Variants in SH3GL2 observed in about 807,000 individuals in gnomAD.
The protein encoded by SH3GL2 is SH3 domain containing GRB2 like 2, endophilin A1, also known as endophilin-A1.
In SH3GL2, 24 loss-of-function variants were observed where a neutral mutation model predicts 46.0. The observed-to-expected ratio is 0.52, with a 90% confidence interval of 0.38 to 0.73. The LOEUF is 0.73. Ranked by LOEUF, SH3GL2 falls within the 30% of genes least tolerant of loss-of-function variation. The pLI is 0.00. For missense variants in SH3GL2, 413 were observed against 424.2 expected (o/e 0.97, Z 0.23); for synonymous variants, 196 against 147.1 (o/e 1.33, Z -2.40).
chr9:17,694,388 G>A (rs7858624), intron 1 of SH3GL2, among the ~76,000 whole-genome samples: 2,751 of 151,930 alleles, frequency 0.018, 37 homozygotes, highest in Non-Finnish European at 0.031. Context: ...ATGCTAATAA[G>A]TAAGTGTTCT....
intron 1 of SH3GL2, among the ~76,000 whole-genome samples, chr9:17,626,497 C>T (rs1239767611): frequency 1.3e-5 from 2 of 152,180 alleles, no homozygotes; most frequent in Non-Finnish European, 2.9e-5. Context: ...TTAAAATCTT[C>T]ATGCTCATGG....
At chr9:17,734,563 C>T (rs1489414916) in intron 1 of SH3GL2, among the ~76,000 whole-genome samples, 1 of 152,060 alleles carries the variant, frequency 6.6e-6, no homozygotes, top group Admixed American at 6.6e-5. Flanking sequence ...TGTCCATTAA[C>T]AGTTGAATGA....
chr9:17,765,784 G>C (rs1171413438), intron 3 of SH3GL2, among the ~76,000 whole-genome samples: 1 of 152,118 alleles, frequency 6.6e-6, no homozygotes, highest in African/African-American at 2.4e-5. Flanking sequence ...CATACTTGTG[G>C]TTTTGTTTTT....
chr9:17,692,367 A>G (rs1382654925), intron 1 of SH3GL2, among the ~76,000 whole-genome samples: 1 of 152,028 alleles, frequency 6.6e-6, no homozygotes, highest in Non-Finnish European at 1.5e-5. Flanking sequence ...TGGAGAAGCC[A>G]GGTGTGGTGA....
At chr9:17,709,388 A>C (rs142900927) in intron 1 of SH3GL2, among the ~76,000 whole-genome samples, 89 of 152,106 alleles carry the variant, frequency 5.9e-4, no homozygotes, top group Non-Finnish European at 1.0e-3. Flanking sequence ...TTGTGTAGCA[A>C]GTCCATGAAA....
At chr9:17,696,559 C>A (rs1034474503) in intron 1 of SH3GL2, among the ~76,000 whole-genome samples, 3 of 152,212 alleles carry the variant, frequency 2.0e-5, no homozygotes, top group Non-Finnish European at 4.4e-5. Flanking sequence ...GGAAGAAAGG[C>A]ACCTTCTTCA....
At chr9:17,609,393 C>T (rs1049022376) in intron 1 of SH3GL2, among the ~76,000 whole-genome samples, 1 of 151,922 alleles carries the variant, frequency 6.6e-6, no homozygotes, top group Admixed American at 6.6e-5. Context: ...TCTCTGTACC[C>T]ATAAAACTCT....
At chr9:17,752,901 C>T (rs567690139) in intron 2 of SH3GL2, among the ~76,000 whole-genome samples, 1 of 152,138 alleles carries the variant, frequency 6.6e-6, no homozygotes, top group African/African-American at 2.4e-5. Flanking sequence ...TGTTGTTCCC[C>T]TCTGTGCGTT....
chr9:17,616,272 T>G (rs1818994914), intron 1 of SH3GL2, among the ~76,000 whole-genome samples: 1 of 152,252 alleles, frequency 6.6e-6, no homozygotes, highest in Non-Finnish European at 1.5e-5. Flanking sequence ...AGAAGCATGA[T>G]GACTTTTGTG....
At chr9:17,768,370 CAAAAAAAAAAAAA>C (rs34891273) in intron 3 of SH3GL2, among the ~76,000 whole-genome samples, 4 of 67,224 alleles carry the variant, frequency 6.0e-5, no homozygotes, top group Admixed American at 3.3e-4. Context: ...GACTCTGTCT[CAAAAAAAAAAAAA>C]AAAAAAAACA....
intron 1 of SH3GL2, among the ~76,000 whole-genome samples, chr9:17,585,499 A>G (rs1045676545): frequency 6.6e-6 from 1 of 152,194 alleles, no homozygotes; most frequent in African/African-American, 2.4e-5. Context: ...GGCTCAAGAA[A>G]ACAGAGTTTA....
At chr9:17,773,362 A>G (rs1823547223) in intron 3 of SH3GL2, among the ~76,000 whole-genome samples, 1 of 152,046 alleles carries the variant, frequency 6.6e-6, no homozygotes, top group Non-Finnish European at 1.5e-5. Flanking sequence ...TGCCTTTGGT[A>G]TCATATCCAG....
Position 17,674,484 on chromosome 9 carries a change from T to G in SH3GL2, c.46-72582T>G, listed in dbSNP as rs537005239. Among the ~76,000 whole-genome samples, 3 of 152,180 alleles carry G rather than the reference T, an allele frequency of 2.0e-5. No individual in the cohort carries two copies. In the South Asian group the frequency reaches 6.2e-4, roughly 32 times the overall value. On this transcript the variant is annotated intron_variant, in intron 1 of 8. Transcript: ENST00000380607. ...GTTTCACCATATCGCCCAGGCTGTG[T>G]CAAATTCCTGACCTCAAACAATCTG...
intron 1 of SH3GL2, among the ~76,000 whole-genome samples, chr9:17,682,462 G>A (rs988957732): frequency 2.0e-5 from 3 of 152,054 alleles, no homozygotes; most frequent in Non-Finnish European, 4.4e-5. Flanking sequence ...CACAGGAACA[G>A]AAAATCAAAC....
chr9:17,700,105 A>G (rs1821311309), intron 1 of SH3GL2, among the ~76,000 whole-genome samples: 1 of 146,822 alleles, frequency 6.8e-6, no homozygotes, highest in Admixed American at 6.6e-5. Context: ...ATATGGTCAT[A>G]CACATGGCAA....
At chr9:17,664,578 C>G (rs889855497) in intron 1 of SH3GL2, among the ~76,000 whole-genome samples, 10 of 151,886 alleles carry the variant, frequency 6.6e-5, no homozygotes, top group African/African-American at 2.4e-4. Context: ...AAATTCATAT[C>G]AAACTTTTGA....
chr9:17,793,538 C>T (rs1824193886), intron 8 of SH3GL2, 41 bp downstream of exon 8: 4 of 1,596,562 alleles, frequency 2.5e-6, no homozygotes, highest in East Asian at 2.3e-5. Context: ...TAGCCCTTGG[C>T]ATATCCATTG....
At chr9:17,690,375 A>G (rs997197533) in intron 1 of SH3GL2, among the ~76,000 whole-genome samples, 7 of 152,142 alleles carry the variant, frequency 4.6e-5, no homozygotes, top group African/African-American at 1.7e-4. Context: ...CTCCCTATCC[A>G]CTATCTGAAC....
At chr9:17,621,192 T>G (rs10115386) in intron 1 of SH3GL2, among the ~76,000 whole-genome samples, 8,420 of 152,318 alleles carry the variant, frequency 0.055, 381 homozygotes, top group African/African-American at 0.13. Flanking sequence ...ATGTATAGAT[T>G]GTTGCCATTT....
Sources: gnomAD v4.1 joint callset for allele counts (sites outside exome capture counted in the v4.1 genomes callset) on GRCh38, gnomAD v4.1.1 for gene constraint, MANE v1.5 for transcripts, NCBI Gene and HGNC (gene_info 2026-07-23, HGNC 2026-07-21) for gene names.